RELN: variants seen among roughly 807,000 people sequenced by gnomAD.
The protein encoded by RELN is reelin.
Under a neutral mutation model 427.6 loss-of-function variants are expected in RELN, and 108 were observed. That is an observed-to-expected ratio of 0.25 (90% CI 0.22 to 0.30). The LOEUF is 0.30. RELN is among the 10% of genes least tolerant of loss of function. The probability of loss-of-function intolerance (pLI) is 1.00; values close to 1 mark genes in which losing one functional copy is unlikely to be tolerated. For missense variants in RELN, 3,715 were observed against 4,302.8 expected (o/e 0.86, Z 3.82); for synonymous variants, 1,524 against 1,513.4 (o/e 1.01, Z -0.16).
chr7:103,551,241 A>G lies in RELN; in HGVS notation c.6128T>C (p.Phe2043Ser). 5 of 1,614,096 alleles carry G rather than the reference A, an allele frequency of 3.1e-6. No homozygotes were observed. The highest frequency in any genetic ancestry group is 4.2e-6 in the Non-Finnish European group (5 of 1,180,016). Residue 2043 changes from phenylalanine (F) to serine (S), a missense_variant, in exon 41 of 65, where the codon TTT becomes TCT. Around this residue, in one of 4 missense-constraint regions of RELN, gnomAD observed 1,310 missense variants for 1,643.0 expected, o/e 0.80. Coordinates refer to ENST00000428762, the MANE Select transcript of RELN (RefSeq NM_005045.4). ...CCAGGTCGCCCCGAAGTCCCTTGAA[A>G]ATTCCAGTCTCACTGGATCCGCGGA... ...SSSADPVRLEFSRDFGATWHL... is the reference protein window; with the variant it reads ...SSSADPVRLESSRDFGATWHL...
Position 103,968,435 on chromosome 7 carries a change from C to T in RELN, c.226+20696G>A, listed in dbSNP as rs1796699101. The stretch of plus-strand genomic sequence containing the variant: ...GTTGGTTTGACATCAGGTCTGCAGG[C>T]ACCATGCGTTGCTACTGAGGACTAA... On this transcript the variant is annotated intron_variant, in intron 1 of 64. Transcript: ENST00000428762. The surrounding 1 kb of genome is among the most constrained non-coding windows in gnomAD (Gnocchi z 4.3). Among the ~76,000 whole-genome samples the T allele has an allele frequency of 6.6e-6, 1 of 151,956 alleles. No individual in the cohort carries two copies. Among genetic ancestry groups the T allele is most frequent in the Non-Finnish European group, 1.5e-5 (1 of 68,002 alleles).
At chr7:103,927,061 A>G (rs1175604117) in intron 1 of RELN, among the ~76,000 whole-genome samples, 3 of 152,234 alleles carry the variant, frequency 2.0e-5, no homozygotes, top group East Asian at 3.8e-4. Context: ...TCATTTAAAT[A>G]TATGCTGAGT....
At chr7:103,756,580 T>C (rs1791161255) in intron 4 of RELN, among the ~76,000 whole-genome samples, 1 of 152,196 alleles carries the variant, frequency 6.6e-6, no homozygotes, top group Non-Finnish European at 1.5e-5. Flanking sequence ...TATTTTATGA[T>C]ATTTCAGAAA....
chr7:103,758,701 T>C (rs1262808706), intron 4 of RELN, among the ~76,000 whole-genome samples: 1 of 149,492 alleles, frequency 6.7e-6, no homozygotes, highest in Non-Finnish European at 1.5e-5. Flanking sequence ...AATCTTTTCA[T>C]ACTAGATAAG....
intron 3 of RELN, among the ~76,000 whole-genome samples, chr7:103,829,173 T>G (rs1793214888): frequency 6.6e-6 from 1 of 152,138 alleles, no homozygotes; most frequent in South Asian, 2.1e-4. Context: ...GCTGGCACAT[T>G]GTAAATTTTC....
At position 103,610,765 on chromosome 7, in the gene RELN, C is replaced by T; in HGVS notation, c.2938G>A (p.Ala980Thr). 6.2e-7 allele frequency: 1 copy of T among 1,612,158 alleles called. No individual in the cohort carries two copies. Among genetic ancestry groups the T allele is most frequent in the Non-Finnish European group, 8.5e-7 (1 of 1,178,400 alleles). ...SMPSCQEFTS[A>T]SIYHASEFTQ... ...AACTCACTGGCATGGTAAATACTTG[C>T]TGATGTAAATTCCTGACAACTTGGC... Residue 980 changes from alanine to threonine, a missense_variant, in exon 22 of 65, where the codon GCA becomes ACA. Ala to Thr is a moderately conservative substitution (Grantham distance 58, BLOSUM62 0). Around this residue, in one of 4 missense-constraint regions of RELN, gnomAD observed 2,208 missense variants for 2,361.7 expected, o/e 0.93. Transcript: ENST00000428762.
intron 1 of RELN, among the ~76,000 whole-genome samples, chr7:103,940,223 T>C (rs1484836271): frequency 6.6e-6 from 1 of 152,196 alleles, no homozygotes; most frequent in East Asian, 1.9e-4. Flanking sequence ...TTTCACTACT[T>C]GTTGGCTGGG....
intron 4 of RELN, among the ~76,000 whole-genome samples, chr7:103,753,781 A>C (rs999761202): frequency 6.6e-6 from 1 of 152,208 alleles, no homozygotes; most frequent in Admixed American, 6.5e-5. Flanking sequence ...GTCTGCAAAA[A>C]CCTACAAGAA....
At chr7:103,546,132 C>T (rs1830290948) in intron 41 of RELN, among the ~76,000 whole-genome samples, 1 of 152,162 alleles carries the variant, frequency 6.6e-6, no homozygotes, top group African/African-American at 2.4e-5. Context: ...AAACCCCATG[C>T]CCACTGAACA....
chr7:103,852,701 T>C (rs1303397794), intron 2 of RELN, among the ~76,000 whole-genome samples: 1 of 151,918 alleles, frequency 6.6e-6, no homozygotes, highest in Non-Finnish European at 1.5e-5. Flanking sequence ...TTTGTTTGTT[T>C]TTAAATAGAA....
intron 2 of RELN, among the ~76,000 whole-genome samples, chr7:103,860,320 AATT>A (rs1233985352): frequency 1.3e-5 from 2 of 152,188 alleles, no homozygotes; most frequent in African/African-American, 4.8e-5. Flanking sequence ...TTTTTGTTTT[AATT>A]ATAATATGTA....
intron 2 of RELN, among the ~76,000 whole-genome samples, chr7:103,860,854 AT>A (rs1362188147): frequency 6.6e-6 from 1 of 152,232 alleles, no homozygotes; most frequent in Admixed American, 6.5e-5. Context: ...AGTAATCAAC[AT>A]AACTTTGCTA....
At chr7:103,818,271 A>G (rs1792929294) in intron 3 of RELN, among the ~76,000 whole-genome samples, 1 of 152,204 alleles carries the variant, frequency 6.6e-6, no homozygotes. Flanking sequence ...GTTGCTTTTC[A>G]ACTGAATTAG....
At chr7:103,661,796 A>C (rs1254505041) in intron 11 of RELN, among the ~76,000 whole-genome samples, 3 of 152,202 alleles carry the variant, frequency 2.0e-5, no homozygotes, top group African/African-American at 7.2e-5. Flanking sequence ...TCTACTTGTG[A>C]TCAGAGCCAT....
intron 50 of RELN, among the ~76,000 whole-genome samples, chr7:103,511,632 C>T (rs2711848): frequency 0.098 from 14,881 of 151,922 alleles, 1,065 homozygotes; most frequent in African/African-American, 0.2. Flanking sequence ...AATCCCAGCA[C>T]TTTGAAAGGC....
chr7:103,611,847 G>A (rs1831967571), intron 20 of RELN, 44 bp from the exon 21 acceptor site: 1 of 1,486,892 alleles, frequency 6.7e-7, no homozygotes, highest in Non-Finnish European at 9.4e-7. Context: ...TAAACACAAT[G>A]TATTAGAGAA....
In RELN at chr7:103,847,723, T is replaced by C. The variant is rs536962851; in HGVS notation, c.338-14051A>G. 5.9e-5 allele frequency among the ~76,000 whole-genome samples: 9 copies of C among 152,276 alleles called. No homozygotes were observed. The South Asian group carries it at 1.9e-3, about 32-fold the overall frequency. ...TTTGGTTTTGTTTTAAAGAAAGCCT[T>C]GTTGAGGCTCTTTTTACTCTCCTAC... On this transcript the variant is annotated intron_variant, in intron 2 of 64. Coordinates refer to ENST00000428762, the MANE Select transcript of RELN (RefSeq NM_005045.4).
chr7:103,483,674 C>A lies in RELN; in HGVS notation c.10160G>T (p.Arg3387Ile). The A allele has an allele frequency of 6.2e-7, 1 of 1,614,184 alleles. No individual in the cohort carries two copies. Among genetic ancestry groups the A allele is most frequent in the South Asian group, 1.1e-5 (1 of 91,086 alleles). ...HQPKDFTQAQRVSYNVPLEAR... is the reference protein window; with the variant it reads ...HQPKDFTQAQIVSYNVPLEAR... ...TTACAGGGGGACATTGTAAGACACT[C>A]TCTGAGCTTGTGTGAAGTCCTTTGG... The change falls in exon 62 of 65, where the codon AGA becomes ATA. Residue 3387 changes from arginine to isoleucine, a missense_variant. Physicochemically the swap from Arg to Ile is moderately conservative, Grantham distance 97 (BLOSUM62 -3). This residue lies in a region of RELN where 195 missense variants were observed against 281.3 expected (regional missense o/e 0.69). Coordinates refer to ENST00000428762, the MANE Select transcript of RELN (RefSeq NM_005045.4).
intron 2 of RELN, among the ~76,000 whole-genome samples, chr7:103,838,623 G>A (rs1023729661): frequency 2.0e-5 from 3 of 152,096 alleles, no homozygotes; most frequent in Non-Finnish European, 4.4e-5. Context: ...GCAGGGATCA[G>A]GTGTATGGAA....
Sources: gnomAD v4.1 joint callset for allele counts (sites outside exome capture counted in the v4.1 genomes callset) on GRCh38, gnomAD v4.1.1 for gene constraint, gnomAD v4.1.1 regional missense constraint, Gnocchi (gnomAD v3.1) non-coding constraint, MANE v1.5 for transcripts, NCBI Gene and HGNC (gene_info 2026-07-23, HGNC 2026-07-21) for gene names.